Variants in KLK7 observed in about 807,000 individuals in gnomAD.
KLK7 encodes the protein kallikrein-7.
A neutral mutation model predicts 21.0 loss-of-function variants in KLK7; 17 were observed. The ratio of observed to expected loss-of-function variants is 0.81; its 90% CI spans 0.55 to 1.21. The LOEUF (loss-of-function observed/expected upper bound fraction) is 1.21, where lower values mean the gene tolerates loss of function less well. Ranked by LOEUF, KLK7 falls within the 50% of genes most tolerant of loss-of-function variation. The pLI is 0.00. For synonymous variants in KLK7, 151 were observed against 134.6 expected (o/e 1.12, Z -0.85); for missense variants, 330 against 322.8 (o/e 1.02, Z -0.17).
At chr19:50,983,108 CT>C (rs2091103655) in intron 1 of KLK7, among the ~76,000 whole-genome samples, 1 of 107,160 alleles carries the variant, frequency 9.3e-6, no homozygotes, top group African/African-American at 4.7e-5. Context: ...AGGCCCCCAG[CT>C]CCTCCTCCCT....
chr19:50,977,631 T>C lies in KLK7; in HGVS notation c.667A>G (p.Thr223Ala), dbSNP rs780812760. ...GTLQGLVSWG[T>A]FPCGQPNDPG... ...TCATTGGGTTGGCCGCAAGGGAAAG[T>C]TCCCCAGGACACCAGACCTTGCAGG... is the stretch of plus-strand genomic sequence containing the variant. The change falls in exon 6 of 6, where the codon ACT (threonine) becomes GCT (alanine). Residue 223 changes from threonine to alanine, a missense_variant. By Grantham distance (58) the Thr-to-Ala change is moderately conservative. Coordinates refer to ENST00000595820, the MANE Select transcript of KLK7 (RefSeq NM_005046.4). 2.4e-5 allele frequency: 38 copies of C among 1,613,840 alleles called. No individual in the cohort carries two copies. Among genetic ancestry groups the C allele is most frequent in the Non-Finnish European group, 3.2e-5 (38 of 1,180,000 alleles).
Position 50,981,856 on chromosome 19 carries a change from C to T in KLK7, c.132G>A (p.Gln44=). ...GCTGATTGCCACTGAGCAGGGCCAC[C>T]TGCCATGGGTGGGAGCCTCTTGCAC... The part of the protein sequence containing the change: ...APCARGSHPW[Q]VALLSGNQLH... Residue 44 remains glutamine, a synonymous_variant, in exon 3 of 6, where the codon CAG becomes CAA. Coordinates refer to ENST00000595820, the MANE Select transcript of KLK7 (RefSeq NM_005046.4). 6.2e-7 allele frequency: 1 copy of T among 1,611,844 alleles called. No homozygotes were observed. Among genetic ancestry groups the T allele is most frequent in the Non-Finnish European group, 8.5e-7 (1 of 1,179,370 alleles).
At position 50,981,904 on chromosome 19, in the gene KLK7, G is replaced by T. The variant is rs1392881384; in HGVS notation, c.84C>A (p.Asp28Glu). 7.4e-6 allele frequency: 12 copies of T among 1,612,692 alleles called. No homozygotes were observed. Among genetic ancestry groups the T allele is most frequent in the Admixed American group, 5.0e-5 (3 of 59,952 alleles). Residue 28 changes from aspartate (D) to glutamate (E), a missense_variant, in exon 3 of 6, where the codon GAC becomes GAA. By Grantham distance (45) the Asp-to-Glu change is conservative (BLOSUM62 2). Transcript: ENST00000595820. ...CACATGGGGCGCCATCAATAATCTT[G>T]TCACCCTGGGCTGGATGGAGACATG... ...LETAGEEAQG[D>E]KIIDGAPCAR...
At position 50,977,459 on chromosome 19, in the gene KLK7, G is replaced by T. The variant is rs2091046056; in HGVS notation, c.*77C>A. 2.1e-6 allele frequency: 3 copies of T among 1,401,032 alleles called. No homozygotes were observed. The highest frequency in any genetic ancestry group is 3.6e-5 in the Admixed American group (2 of 55,704). 86.8% of individuals were successfully genotyped at this position (1,401,032 alleles called of 1,614,324 possible). Reference sequence around the variant, plus strand: ...TTTGAGGAAAGGTAAAGTCAAATTTGACTTCATAGGTCATCGGCGTCCTCA... The same window carrying T: ...TTTGAGGAAAGGTAAAGTCAAATTTTACTTCATAGGTCATCGGCGTCCTCA... On this transcript the variant is annotated 3_prime_UTR_variant, in exon 6 of 6. Coordinates refer to ENST00000595820, the MANE Select transcript of KLK7 (RefSeq NM_005046.4).
Position 50,982,444 on chromosome 19 carries a change from C to A in KLK7, c.-45G>T. On this transcript the variant is annotated 5_prime_UTR_variant, in exon 2 of 6. In the 5' UTR this introduces an upstream ATG that the reference lacks. Transcript: ENST00000595820. ...CAGGGGCTGCCAGGCGAGGAAGGGC[C>A]TCTCCTGCTGGAGCTGAGAAGGAGA... is the stretch of plus-strand genomic sequence containing the variant. 1 of 1,574,174 alleles carries A rather than the reference C, an allele frequency of 6.4e-7. No homozygotes were observed. The highest frequency in any genetic ancestry group is 8.6e-7 in the Non-Finnish European group (1 of 1,160,272).
In KLK7 at chr19:50,981,987, C is replaced by T. The variant is rs987901249; in HGVS notation, c.74-73G>A. 2.0e-6 allele frequency: 3 copies of T among 1,486,264 alleles called. No homozygotes were observed. The African/African-American group carries it at 4.1e-5, about 21-fold the overall frequency. The allele number at this position is 1,486,264 out of a possible 1,614,324, so 92.1% of individuals were successfully genotyped here. On this transcript the variant is annotated intron_variant, in intron 2 of 5. Coordinates refer to ENST00000595820, the MANE Select transcript of KLK7 (RefSeq NM_005046.4). ...GGCTGAGGCTGCACCTCAGGGATTC[C>T]CAGAGTCAGAGATGGACAGAGACAG...
rs1419633331 is a variant in KLK7, at chr19:50,977,440, G to A, written c.*96C>T. 8.2e-7 allele frequency: 1 copy of A among 1,221,186 alleles called. No homozygotes were observed. Among genetic ancestry groups the A allele is most frequent in the Non-Finnish European group, 1.2e-6 (1 of 843,748 alleles). The allele number at this position is 1,221,186 out of a possible 1,614,324, so 75.6% of individuals were successfully genotyped here. The stretch of plus-strand genomic sequence containing the variant: ...AGGTTGGTTTAAATATATCTTTGAG[G>A]AAAGGTAAAGTCAAATTTGACTTCA... On this transcript the variant is annotated 3_prime_UTR_variant, in exon 6 of 6. Coordinates refer to ENST00000595820, the MANE Select transcript of KLK7 (RefSeq NM_005046.4).
chr19:50,983,758 G>T, intron 1 of KLK7, 93 bp downstream of exon 1: 1 of 1,263,702 alleles, frequency 7.9e-7, no homozygotes, highest in Non-Finnish European at 1.0e-6. Context: ...GGGAGTCTAG[G>T]CTGCAGCCCC....
rs753472998 is a variant in KLK7 at position 50,982,340 on chromosome 19, A to G, written c.60T>C (p.Thr20=). The part of the protein sequence containing the change: ...QILLLSLALE[T]AGEEAQGDKI... Reference sequence around the variant, plus strand: ...TCCAGCTTTCACCTTCTTCTCCTGCAGTTTCCAAGGCTAAGGATAGCAGTA... The same window carrying G: ...TCCAGCTTTCACCTTCTTCTCCTGCGGTTTCCAAGGCTAAGGATAGCAGTA... The change falls in exon 2 of 6, where the codon ACT becomes ACC. Residue 20 remains threonine (T), a synonymous_variant. Coordinates refer to ENST00000595820, the MANE Select transcript of KLK7 (RefSeq NM_005046.4). 6.2e-7 allele frequency: 1 copy of G among 1,610,698 alleles called. No individual in the cohort carries two copies. The highest frequency in any genetic ancestry group is 1.7e-5 in the Admixed American group (1 of 59,494).
rs1427293322 is a variant in KLK7, at chr19:50,979,783, C to T, written c.606+5G>A. 1 of 1,566,340 alleles carries T rather than the reference C, an allele frequency of 6.4e-7. No individual in the cohort carries two copies. Among genetic ancestry groups the T allele is most frequent in the Middle Eastern group, 1.7e-4 (1 of 5,978 alleles). ...CTGGGGAGGAATTGGGGGGGAGGGTCTCACATTGCAGGCGTTTTTCTTGGA... is the reference window on the plus strand; with the variant it reads ...CTGGGGAGGAATTGGGGGGGAGGGTTTCACATTGCAGGCGTTTTTCTTGGA... On this transcript the variant is annotated splice_donor_5th_base_variant and intron_variant, in intron 5 of 5. Coordinates refer to ENST00000595820, the MANE Select transcript of KLK7 (RefSeq NM_005046.4).
chr19:50,979,754 A>C (rs2091061791), intron 5 of KLK7, 34 bp downstream of exon 5: 4 of 1,554,570 alleles, frequency 2.6e-6, no homozygotes, highest in Non-Finnish European at 2.6e-6. Flanking sequence ...CAGGGTACCC[A>C]GGACTGGGGA....
intron 5 of KLK7, among the ~76,000 whole-genome samples, chr19:50,978,948 G>C (rs2091056577): frequency 1.3e-5 from 2 of 151,888 alleles, no homozygotes; most frequent in African/African-American, 4.8e-5. Context: ...GCAAGAGAAA[G>C]AGGGAGAAGA....
At chr19:50,982,236 T>G (rs951914416) in intron 2 of KLK7, 91 bp downstream of exon 2, 31 of 1,497,134 alleles carry the variant, frequency 2.1e-5, no homozygotes, top group Non-Finnish European at 2.7e-5. Flanking sequence ...TGGAAGCTGT[T>G]TGAGGAGGGA....
intron 1 of KLK7, among the ~76,000 whole-genome samples, chr19:50,983,038 C>A (rs2091102797): frequency 2.6e-5 from 1 of 38,218 alleles, no homozygotes; most frequent in Non-Finnish European, 6.3e-5. Flanking sequence ...GCCCCAACCC[C>A]TCCTCCCTCA....
intron 5 of KLK7, among the ~76,000 whole-genome samples, chr19:50,978,051 C>G (rs995315164): frequency 6.6e-6 from 1 of 152,126 alleles, no homozygotes; most frequent in Admixed American, 6.5e-5. Flanking sequence ...AAGGGGGACA[C>G]GATGGTCTCG....
In KLK7 at chr19:50,980,363, C is replaced by A; in HGVS notation, c.346G>T (p.Val116Leu). Reference protein sequence around the residue: ...TQTHVNDLMLVKLNSQARLSS... With the variant: ...TQTHVNDLMLLKLNSQARLSS... ...AGCCTGGCCTGGCTATTGAGCTTCA[C>A]GAGCATGAGGTCATTAACATGGGTC... Residue 116 changes from valine (V) to leucine (L), a missense_variant, in exon 4 of 6, where the codon GTG becomes TTG. Val to Leu is a conservative substitution (Grantham distance 32). Transcript: ENST00000595820. 2 of 1,614,014 alleles carry A rather than the reference C, an allele frequency of 1.2e-6. No individual in the cohort carries two copies. Among genetic ancestry groups the A allele is most frequent in the East Asian group, 2.2e-5 (1 of 44,882 alleles).
intron 1 of KLK7, 25 bp downstream of exon 1, chr19:50,983,826 C>G (rs1246786118): frequency 7.8e-7 from 1 of 1,289,380 alleles, no homozygotes; most frequent in South Asian, 1.2e-5. Context: ...CCTACAGGTG[C>G]ACCCTTGATG....
rs1242357190 is a variant in KLK7, at chr19:50,977,346, G to T, written c.*190C>A. On this transcript the variant is annotated 3_prime_UTR_variant, in exon 6 of 6. Transcript: ENST00000595820. ...CACTGACTCTTCTCCAGCACTGAGG[G>T]TTTTGTGTTTCTTTATTTGTTTTGG... 8.3e-6 allele frequency: 5 copies of T among 600,170 alleles called. No individual in the cohort carries two copies. In the African/African-American group the frequency reaches 9.3e-5, roughly 11 times the overall value. The allele number at this position is 600,170 out of a possible 1,614,324, so 37.2% of individuals were successfully genotyped here. A position where few individuals can be genotyped will look rare whatever the true frequency, so the allele number is the denominator to read the frequency against.
intron 5 of KLK7, among the ~76,000 whole-genome samples, chr19:50,977,941 C>T (rs952757959): frequency 1.3e-5 from 2 of 152,086 alleles, no homozygotes; most frequent in African/African-American, 4.8e-5. Context: ...CTTCCAGGAT[C>T]AGAGCACTCT....
Sources: allele counts gnomAD v4.1 joint callset (sites outside exome capture counted in the v4.1 genomes callset), GRCh38; gene constraint gnomAD v4.1.1; transcripts MANE v1.5; gene names NCBI Gene and HGNC (gene_info 2026-07-23, HGNC 2026-07-21).